Variants in EYS observed in about 807,000 individuals in gnomAD.
EYS encodes EGF-like photoreceptor maintenance factor.
EYS carries 250 observed loss-of-function variants against 282.1 expected under a neutral mutation model. The observed-to-expected ratio is 0.89, with a 90% CI of 0.80 to 0.98. The LOEUF is 0.98. EYS is among the 50% of genes least tolerant of loss of function. The probability of loss-of-function intolerance (pLI) is 0.00; values close to 1 mark genes in which losing one functional copy is unlikely to be tolerated. For missense variants in EYS, 4,016 were observed against 3,709.0 expected (o/e 1.08, Z -2.15); for synonymous variants, 1,355 against 1,282.9 (o/e 1.06, Z -1.20).
chr6:64,248,045 GAGA>G (rs1406017638), intron 30 of EYS, among the ~76,000 whole-genome samples: 3 of 152,172 alleles, frequency 2.0e-5, no homozygotes, highest in African/African-American at 4.8e-5. Flanking sequence ...ACTTGGCTAG[GAGA>G]AGAAGGAGAG....
intron 5 of EYS, among the ~76,000 whole-genome samples, chr6:65,469,514 T>A (rs1411420877): frequency 6.6e-6 from 1 of 152,180 alleles, no homozygotes; most frequent in Non-Finnish European, 1.5e-5. Flanking sequence ...AAAAATAGGA[T>A]CAAAACTCAA....
chr6:64,805,748 T>C (rs1237414266), intron 22 of EYS, among the ~76,000 whole-genome samples: 2 of 151,328 alleles, frequency 1.3e-5, no homozygotes, highest in Non-Finnish European at 3.0e-5. Context: ...TTCAATTTGT[T>C]AATAATATTT....
chr6:64,959,875 ATT>A (rs35264278), intron 14 of EYS, among the ~76,000 whole-genome samples: 1,970 of 119,210 alleles, frequency 0.017, 23 homozygotes, highest in South Asian at 0.073. Flanking sequence ...ACGACTCAGG[ATT>A]TTTTTTTTTT....
At position 65,144,688 on chromosome 6, in the gene EYS, AT is replaced by A. The variant is rs527264227; in HGVS notation, c.2024-86962del. ...CAGTATATGTTCCATATTAGAATAA[AT>A]TTTTTTAAAAAGGGATTAATTCACT... On this transcript the variant is annotated intron_variant, in intron 12 of 42. Coordinates refer to ENST00000503581, the MANE Select transcript of EYS (RefSeq NM_001142800.2). Among the ~76,000 whole-genome samples the A allele has an allele frequency of 1.7e-4, 26 of 152,160 alleles. No homozygotes were observed. In the East Asian group the frequency reaches 4.3e-3, roughly 25 times the overall value.
intron 26 of EYS, among the ~76,000 whole-genome samples, chr6:64,584,885 T>C (rs915317860): frequency 1.1e-4 from 17 of 152,272 alleles, no homozygotes; most frequent in African/African-American, 3.8e-4. Context: ...ACATTTAATT[T>C]ATAATTTTCT....
At chr6:64,116,913 A>C (rs925207156) in intron 31 of EYS, among the ~76,000 whole-genome samples, 1 of 152,126 alleles carries the variant, frequency 6.6e-6, no homozygotes, top group Non-Finnish European at 1.5e-5. Context: ...CAGAACACAT[A>C]AATATATAAA....
intron 35 of EYS, among the ~76,000 whole-genome samples, chr6:63,954,621 C>T (rs1021632535): frequency 7.9e-5 from 12 of 152,300 alleles, no homozygotes; most frequent in South Asian, 2.1e-4. Context: ...TTCAGGGTAA[C>T]GCTTATGCTG....
intron 13 of EYS, among the ~76,000 whole-genome samples, chr6:65,004,522 T>C (rs1398560390): frequency 6.8e-6 from 1 of 147,706 alleles, no homozygotes; most frequent in Admixed American, 6.7e-5. Context: ...TCTCACAGCG[T>C]GGACCTGAAA....
At chr6:64,353,603 GT>G (rs1486151362) in intron 29 of EYS, among the ~76,000 whole-genome samples, 2 of 151,616 alleles carry the variant, frequency 1.3e-5, no homozygotes, top group African/African-American at 2.4e-5. Context: ...GGATAAAGGC[GT>G]TTAGGTTACT....
chr6:63,734,435 A>C (rs908854927), intron 41 of EYS, among the ~76,000 whole-genome samples: 4 of 152,144 alleles, frequency 2.6e-5, no homozygotes, highest in African/African-American at 9.7e-5. Context: ...ATGGAAGTTA[A>C]ACAATATCGC....
chr6:65,430,547 A>T (rs560008580), intron 5 of EYS, among the ~76,000 whole-genome samples: 9 of 152,308 alleles, frequency 5.9e-5, no homozygotes, highest in African/African-American at 1.9e-4. Flanking sequence ...GGGGAACGTG[A>T]CATACAAAGA....
At chr6:63,940,723 G>C (rs1269641382) in intron 35 of EYS, among the ~76,000 whole-genome samples, 6 of 150,466 alleles carry the variant, frequency 4.0e-5, no homozygotes, top group Non-Finnish European at 8.9e-5. Flanking sequence ...TAGGGTACAT[G>C]TGTACAATGT....
intron 13 of EYS, among the ~76,000 whole-genome samples, chr6:65,057,122 A>G (rs2150157397): frequency 6.6e-6 from 1 of 152,150 alleles, no homozygotes; most frequent in Admixed American, 6.6e-5. Flanking sequence ...GCAATAATAT[A>G]TTAACATATT....
At chr6:63,729,699 T>C (rs1404835134) in intron 41 of EYS, among the ~76,000 whole-genome samples, 1 of 152,188 alleles carries the variant, frequency 6.6e-6, no homozygotes, top group East Asian at 1.9e-4. Flanking sequence ...AGTTCCCTCA[T>C]TGAAGGGTAA....
At chr6:64,166,533 A>C (rs1318017756) in intron 31 of EYS, among the ~76,000 whole-genome samples, 1 of 152,168 alleles carries the variant, frequency 6.6e-6, no homozygotes, top group Admixed American at 6.5e-5. Flanking sequence ...AAATACAAGA[A>C]GGATGTAGCT....
In EYS at chr6:64,822,799, C is replaced by T; in HGVS notation, c.3016G>A (p.Asp1006Asn). ...YTGINCEINLDECLSEPCLHD... is the reference protein window; with the variant it reads ...YTGINCEINLNECLSEPCLHD... The stretch of plus-strand genomic sequence containing the variant: ...AGACAGGGCTCTGATAGGCATTCAT[C>T]TAGATTTATTTCACAGTTGATGCCT... Residue 1006 changes from aspartate (D) to asparagine (N), a missense_variant, in exon 20 of 43, where the codon GAT becomes AAT. By Grantham distance (23) the Asp-to-Asn change is conservative. Coordinates refer to ENST00000503581, the MANE Select transcript of EYS (RefSeq NM_001142800.2). 1.3e-6 allele frequency: 2 copies of T among 1,549,552 alleles called. No homozygotes were observed. Among genetic ancestry groups the T allele is most frequent in the Non-Finnish European group, 1.7e-6 (2 of 1,145,740 alleles).
intron 28 of EYS, among the ~76,000 whole-genome samples, chr6:64,392,023 CAAAG>C (rs1773170844): frequency 2.0e-5 from 3 of 151,834 alleles, no homozygotes; most frequent in East Asian, 3.9e-4. Context: ...TCAAAAGAGA[CAAAG>C]AAGGCCATTA....
At chr6:65,502,402 T>A (rs1393159938) in intron 2 of EYS, among the ~76,000 whole-genome samples, 2 of 151,672 alleles carry the variant, frequency 1.3e-5, no homozygotes, top group African/African-American at 4.8e-5. Context: ...GTTAAAAAAA[T>A]TTAGTAGAGT....
At chr6:63,902,096 G>A (rs1160351621) in intron 35 of EYS, among the ~76,000 whole-genome samples, 1 of 151,998 alleles carries the variant, frequency 6.6e-6, no homozygotes. Flanking sequence ...GTTTCACCAG[G>A]TTGGCCAGGC....
Sources: allele counts gnomAD v4.1 joint callset (sites outside exome capture counted in the v4.1 genomes callset), GRCh38; gene constraint gnomAD v4.1.1; transcripts MANE v1.5; gene names NCBI Gene and HGNC (gene_info 2026-07-23, HGNC 2026-07-21).